LRIG2: variants seen among roughly 807,000 people sequenced by gnomAD.
LRIG2 encodes leucine-rich repeats and immunoglobulin-like domains protein 2.
In LRIG2, 93 loss-of-function variants were observed where a neutral mutation model predicts 107.8. The observed-to-expected ratio is 0.86, with a 90% CI of 0.73 to 1.03. The LOEUF is 1.03. Among genes scored for constraint, LRIG2 ranks in the 50% least tolerant of loss-of-function variants. The pLI is 0.00. For missense variants in LRIG2, 1,226 were observed against 1,296.0 expected, an observed-to-expected ratio of 0.95 and a Z score of 0.83; for synonymous variants, 471 against 470.6, an observed-to-expected ratio of 1.00 and a Z score of -0.01.
At chr1:113,120,171 C>T (rs757189060) in intron 17 of LRIG2, among the ~76,000 whole-genome samples, 9 of 151,754 alleles carry the variant, frequency 5.9e-5, no homozygotes, top group East Asian at 5.9e-4. Flanking sequence ...TATGGGGGGC[C>T]GGGCACAGTG....
At chr1:113,108,763 G>C (rs1654645550) in intron 12 of LRIG2, among the ~76,000 whole-genome samples, 1 of 152,040 alleles carries the variant, frequency 6.6e-6, no homozygotes, top group Non-Finnish European at 1.5e-5. Flanking sequence ...TGTAATCCCA[G>C]CTTCTCTGGA....
intron 11 of LRIG2, among the ~76,000 whole-genome samples, chr1:113,105,967 C>T (rs759102621): frequency 5.3e-5 from 8 of 152,090 alleles, no homozygotes; most frequent in Non-Finnish European, 1.2e-4. Flanking sequence ...TGGTGGCTCA[C>T]GCCTGTAATC....
At chr1:113,122,239 T>A (rs1557923283) in intron 17 of LRIG2, among the ~76,000 whole-genome samples, 1 of 151,964 alleles carries the variant, frequency 6.6e-6, no homozygotes, top group Non-Finnish European at 1.5e-5. Context: ...CCAACCACCA[T>A]GCTTGGCTAA....
At chr1:113,081,363 T>G (rs1299071571) in intron 1 of LRIG2, among the ~76,000 whole-genome samples, 1 of 152,002 alleles carries the variant, frequency 6.6e-6, no homozygotes, top group African/African-American at 2.4e-5. Flanking sequence ...GATGGAGGTG[T>G]TTTTAGTGGT....
chr1:113,086,235 C>G (rs888191368), intron 1 of LRIG2, among the ~76,000 whole-genome samples: 3 of 151,842 alleles, frequency 2.0e-5, no homozygotes, highest in Admixed American at 1.3e-4. Flanking sequence ...GAACTCCTGA[C>G]CTCAGGTGAT....
In LRIG2 at chr1:113,124,867, A is replaced by G. The variant is rs770878841; in HGVS notation, c.*766A>G. The stretch of plus-strand genomic sequence containing the variant: ...TAACTCAATTTAGTGAGATCTAAAA[A>G]TTTTATTTAAAGTATAAAAACTGTG... On this transcript the variant is annotated 3_prime_UTR_variant, in exon 18 of 18. Transcript: ENST00000361127. The G allele has an allele frequency of 1.3e-5, 2 of 152,184 alleles. No individual in the cohort carries two copies. The highest frequency in any genetic ancestry group is 2.9e-5 in the Non-Finnish European group (2 of 68,044). 9.4% of individuals were successfully genotyped at this position (152,184 alleles called of 1,614,324 possible).
At chr1:113,080,098 G>A (rs914977043) in intron 1 of LRIG2, among the ~76,000 whole-genome samples, 2 of 137,044 alleles carry the variant, frequency 1.5e-5, no homozygotes, top group African/African-American at 5.5e-5. Context: ...TCGGCTCACT[G>A]CAACCTCCGC....
At chr1:113,097,373 A>T (rs947008689) in intron 8 of LRIG2, among the ~76,000 whole-genome samples, 14 of 152,282 alleles carry the variant, frequency 9.2e-5, no homozygotes, top group African/African-American at 3.1e-4. Flanking sequence ...TTCAGAGAAG[A>T]GGCAGGTTCC....
intron 11 of LRIG2, chr1:113,103,138 A>G (rs920575191): frequency 1.3e-5 from 2 of 152,148 alleles, no homozygotes; most frequent in Admixed American, 1.3e-4. Flanking sequence ...AGAGTCATTT[A>G]GTAATTTGAG....
intron 1 of LRIG2, among the ~76,000 whole-genome samples, chr1:113,076,638 A>G (rs1652994587): frequency 6.6e-6 from 1 of 152,236 alleles, no homozygotes; most frequent in Non-Finnish European, 1.5e-5. Flanking sequence ...AAAACCACCC[A>G]GTACATTTGG....
chr1:113,122,445 A>G (rs1301869521), intron 17 of LRIG2, among the ~76,000 whole-genome samples: 6 of 152,190 alleles, frequency 3.9e-5, no homozygotes, highest in Non-Finnish European at 8.8e-5. Flanking sequence ...GGAAAGCACT[A>G]TTACTGAAGT....
chr1:113,090,557 G>C (rs1249600055), intron 1 of LRIG2, among the ~76,000 whole-genome samples: 1 of 150,956 alleles, frequency 6.6e-6, no homozygotes, highest in African/African-American at 2.4e-5. Context: ...AATTTTTTTG[G>C]CTGGGTGTGG....
chr1:113,123,757 G>GTGTGTGTC, intron 17 of LRIG2, 118 bp from the exon 18 acceptor site: 1 of 685,576 alleles, frequency 1.5e-6, no homozygotes. Context: ...GTGTGTGTGT[G>GTGTGTGTC]TGTGATTTCA....
intron 1 of LRIG2, among the ~76,000 whole-genome samples, chr1:113,076,766 C>G (rs770708162): frequency 6.6e-6 from 1 of 152,124 alleles, no homozygotes; most frequent in African/African-American, 2.4e-5. Flanking sequence ...TTCATTAATA[C>G]TGATTTTTGG....
At chr1:113,104,103 G>A (rs1029284424) in intron 11 of LRIG2, among the ~76,000 whole-genome samples, 7 of 152,152 alleles carry the variant, frequency 4.6e-5, no homozygotes, top group African/African-American at 1.7e-4. Context: ...TTATTGGCCT[G>A]TTTGGAATAC....
chr1:113,094,673 T>A lies in LRIG2; in HGVS notation c.721T>A (p.Leu241Ile). 2 of 1,613,998 alleles carry A rather than the reference T, an allele frequency of 1.2e-6. No individual in the cohort carries two copies. The highest frequency in any genetic ancestry group is 2.7e-5 in the African/African-American group (2 of 75,050). Residue 241 changes from leucine (L) to isoleucine (I), a missense_variant, in exon 6 of 18, where the codon TTA becomes ATA. Physicochemically the swap from Leu to Ile is conservative, Grantham distance 5. Coordinates refer to ENST00000361127, the MANE Select transcript of LRIG2 (RefSeq NM_014813.3). ...EGLTFQGLDS[L>I]RSLKMQRNGI... ...TCTTACATTCCAAGGGCTTGACTCC[T>A]TAAGATCTTTGAAAATGCAGCGGAA...
At chr1:113,074,990 G>A (rs1275449014) in intron 1 of LRIG2, among the ~76,000 whole-genome samples, 1 of 151,942 alleles carries the variant, frequency 6.6e-6, no homozygotes, top group Non-Finnish European at 1.5e-5. Context: ...GGCTGAGGCG[G>A]GCTGATCACC....
chr1:113,080,905 A>G (rs1653250956), intron 1 of LRIG2, among the ~76,000 whole-genome samples: 1 of 134,130 alleles, frequency 7.5e-6, no homozygotes, highest in South Asian at 2.3e-4. Flanking sequence ...GTGCAATGGC[A>G]CAATGTTGGC....
chr1:113,120,981 G>T (rs899179191), intron 17 of LRIG2, among the ~76,000 whole-genome samples: 1 of 151,796 alleles, frequency 6.6e-6, no homozygotes, highest in African/African-American at 2.4e-5. Context: ...ACCACAACCG[G>T]CTAATTTTTT....
Sources: gnomAD v4.1 joint callset for allele counts (sites outside exome capture counted in the v4.1 genomes callset) on GRCh38, gnomAD v4.1.1 for gene constraint, MANE v1.5 for transcripts, NCBI Gene and HGNC (gene_info 2026-07-23, HGNC 2026-07-21) for gene names.